Variants in AARS2 observed in about 807,000 individuals in gnomAD.
AARS2 encodes the protein alanine--tRNA ligase, mitochondrial.
In AARS2, 78 loss-of-function variants were observed where a neutral mutation model predicts 119.7. The observed-to-expected ratio is 0.65, with a 90% CI of 0.54 to 0.79. The LOEUF (loss-of-function observed/expected upper bound fraction) is 0.79, where lower values mean the gene tolerates loss of function less well. AARS2 is among the 30% of genes least tolerant of loss of function. The pLI is 0.00. For synonymous variants in AARS2, 502 were observed against 526.3 expected, an observed-to-expected ratio of 0.95 and a Z score of 0.63; for missense variants, 1,157 against 1,291.3, an observed-to-expected ratio of 0.90 and a Z score of 1.59.
chr6:44,312,958 C>A (rs1786497354), intron 1 of AARS2, 123 bp downstream of exon 1: 2 of 1,462,548 alleles, frequency 1.4e-6, no homozygotes, highest in Non-Finnish European at 1.9e-6. Context: ...CCCAACCAAG[C>A]ACCGCCCTCT....
intron 4 of AARS2, 95 bp downstream of exon 4, chr6:44,310,899 A>T: frequency 1.3e-6 from 2 of 1,502,990 alleles, no homozygotes. Context: ...CACCGTTTAC[A>T]TGTTTGTTTT....
In AARS2 at chr6:44,311,414, G is replaced by A; in HGVS notation, c.557C>T (p.Thr186Ile). Residue 186 changes from threonine (T) to isoleucine (I), a missense_variant, in exon 3 of 22, where the codon ACC (threonine) becomes ATC (isoleucine). Transcript: ENST00000244571. ...PKAGLDPDLE[T>I]RDIWLSLGVP... ...CCCTAAGCTCAGCCAGATGTCCCTGGTCTCCAGGTCTGGGTCCAGCCCTGC... is the reference window on the plus strand; with the variant it reads ...CCCTAAGCTCAGCCAGATGTCCCTGATCTCCAGGTCTGGGTCCAGCCCTGC... 6.2e-6 allele frequency: 10 copies of A among 1,614,176 alleles called. No individual in the cohort carries two copies. Among genetic ancestry groups the A allele is most frequent in the Non-Finnish European group, 8.5e-6 (10 of 1,180,036 alleles).
Position 44,311,385 on chromosome 6 carries a change from C to T in AARS2, c.581+5G>A. ...GGAATGAACATAAGAAGGGGGCTGA[C>T]TTACCCTAAGCTCAGCCAGATGTCC... is the stretch of plus-strand genomic sequence containing the variant. On this transcript the variant is annotated splice_donor_5th_base_variant and intron_variant, in intron 3 of 21. Transcript: ENST00000244571. The T allele has an allele frequency of 6.2e-7, 1 of 1,614,202 alleles. No individual in the cohort carries two copies. The highest frequency in any genetic ancestry group is 8.5e-7 in the Non-Finnish European group (1 of 1,180,028).
In AARS2 at chr6:44,313,293, T is replaced by C. The variant is rs760233747; in HGVS notation, c.31A>G (p.Arg11Gly). Residue 11 changes from arginine (R) to glycine (G), a missense_variant, in exon 1 of 22, where the codon AGG (arginine) becomes GGG (glycine). Physicochemically the swap from Arg to Gly is moderately radical, Grantham distance 125 (BLOSUM62 -2). Coordinates refer to ENST00000244571, the MANE Select transcript of AARS2 (RefSeq NM_020745.4). MAASVAAAAR[R>G]LRRAIRRSPA... ...GACCTTCGAATGGCCCGCCGCAGCC[T>C]CCGGGCTGCAGCTGCCACTGACGCT... The C allele has an allele frequency of 6.3e-7, 1 of 1,598,476 alleles. No homozygotes were observed. Among genetic ancestry groups the C allele is most frequent in the Non-Finnish European group, 8.5e-7 (1 of 1,177,068 alleles).
intron 18 of AARS2, 51 bp downstream of exon 18, chr6:44,302,340 A>AG (rs1318627971): frequency 1.9e-6 from 3 of 1,613,534 alleles, no homozygotes; most frequent in Non-Finnish European, 2.5e-6. Context: ...AGGGAGGAAT[A>AG]GGGGAGGTAA....
chr6:44,312,308 C>A (rs376867009), intron 1 of AARS2, 45 bp from the exon 2 acceptor site: 150 of 1,586,876 alleles, frequency 9.5e-5, no homozygotes, highest in Non-Finnish European at 1.2e-4. Flanking sequence ...TATCCAATTT[C>A]TCAGTAGAAG....
chr6:44,309,355 G>A (rs1010124498), intron 5 of AARS2, among the ~76,000 whole-genome samples: 1 of 152,188 alleles, frequency 6.6e-6, no homozygotes, highest in African/African-American at 2.4e-5. Context: ...ACCAAAGAAT[G>A]AGCCAGCTAA....
chr6:44,306,788 G>A, intron 7 of AARS2, 135 bp downstream of exon 7: 2 of 902,088 alleles, frequency 2.2e-6, no homozygotes, highest in East Asian at 5.1e-5. Flanking sequence ...TTCTTAGCTT[G>A]CTGATAGGAT....
At chr6:44,312,318 G>A in intron 1 of AARS2, 55 bp from the exon 2 acceptor site, 3 of 1,549,680 alleles carry the variant, frequency 1.9e-6, no homozygotes, top group Non-Finnish European at 8.8e-7. Context: ...CTCAGTAGAA[G>A]GGAAATGTGG....
chr6:44,305,502 G>T lies in AARS2; in HGVS notation c.1434+151C>A. On this transcript the variant is annotated intron_variant, in intron 10 of 21. Transcript: ENST00000244571. This position sits in a 1 kb window ranked among gnomAD's most constrained non-coding sequence, Gnocchi z 4.6. Reference sequence around the variant, plus strand: ...GCTAGTTTTGCTTTCTACTGGTTGTGGCCTGAGGTTTTAGAAACCTCCCAG... The same window carrying T: ...GCTAGTTTTGCTTTCTACTGGTTGTTGCCTGAGGTTTTAGAAACCTCCCAG... The T allele has an allele frequency of 7.9e-7, 1 of 1,258,286 alleles. No individual in the cohort carries two copies. Among genetic ancestry groups the T allele is most frequent in the Non-Finnish European group, 1.1e-6 (1 of 892,304 alleles). 77.9% of individuals were successfully genotyped at this position (1,258,286 alleles called of 1,614,324 possible).
At position 44,307,382 on chromosome 6, in the gene AARS2, G is replaced by T. The variant is rs1269240210; in HGVS notation, c.907C>A (p.Pro303Thr). 2.5e-6 allele frequency: 4 copies of T among 1,605,146 alleles called. No homozygotes were observed. The highest frequency in any genetic ancestry group is 1.6e-4 in the Middle Eastern group (1 of 6,074). ...ACCCCTACTCGGCCCAAGTAAGGGG[G>T]TGCCCTGCAGCCCTGGGAAGCAGAA... The part of the protein sequence containing the change: ...LNAIQQGCRA[P>T]PYLGRVGVAD... The change falls in exon 6 of 22, where the codon CCC becomes ACC. Residue 303 changes from proline (P) to threonine (T), a missense_variant. Transcript: ENST00000244571. The surrounding 1 kb of genome is among the most constrained non-coding windows in gnomAD (Gnocchi z 4.4).
chr6:44,313,291 C>A lies in AARS2; in HGVS notation c.33G>T (p.Arg11Ser). 1 of 1,598,840 alleles carries A rather than the reference C, an allele frequency of 6.3e-7. No homozygotes were observed. MAASVAAAARRLRRAIRRSPA... is the reference protein window; with the variant it reads MAASVAAAARSLRRAIRRSPA... ...GCGACCTTCGAATGGCCCGCCGCAGCCTCCGGGCTGCAGCTGCCACTGACG... is the reference window on the plus strand; with the variant it reads ...GCGACCTTCGAATGGCCCGCCGCAGACTCCGGGCTGCAGCTGCCACTGACG... The change falls in exon 1 of 22, where the codon AGG (arginine) becomes AGT (serine). Residue 11 changes from arginine to serine, a missense_variant. Physicochemically the swap from Arg to Ser is moderately radical, Grantham distance 110. Coordinates refer to ENST00000244571, the MANE Select transcript of AARS2 (RefSeq NM_020745.4).
At chr6:44,300,982 G>C (rs1434426154) in intron 21 of AARS2, 174 bp downstream of exon 21, 11 of 725,864 alleles carry the variant, frequency 1.5e-5, no homozygotes, top group Non-Finnish European at 2.3e-5. Context: ...CTTCTGGGGT[G>C]GGGAGGGGCT....
intron 21 of AARS2, 29 bp from the exon 22 acceptor site, chr6:44,300,740 T>C (rs1785284962): frequency 1.2e-6 from 2 of 1,607,986 alleles, no homozygotes; most frequent in East Asian, 2.2e-5. Flanking sequence ...GAGGAAGCGA[T>C]GCAGAGTGGC....
chr6:44,303,137 C>T lies in AARS2; in HGVS notation c.2184G>A (p.Val728=). 6.2e-7 allele frequency: 1 copy of T among 1,614,152 alleles called. No individual in the cohort carries two copies. Among genetic ancestry groups the T allele is most frequent in the Admixed American group, 1.7e-5 (1 of 60,018 alleles). The change falls in exon 16 of 22, where the codon GTG becomes GTA. Residue 728 remains valine, a synonymous_variant. Transcript: ENST00000244571. ...PDPVRVVSVG[V]PVAHALDPAS... ...CTGGGTCCAATGCATGGGCCACGGG[C>T]ACCCCCACTGATACCACCCGCACAG...
At chr6:44,310,007 A>G (rs908373909) in intron 5 of AARS2, among the ~76,000 whole-genome samples, 12 of 152,138 alleles carry the variant, frequency 7.9e-5, no homozygotes, top group African/African-American at 2.4e-4. Context: ...TATAATCTCC[A>G]TGATCTCTTT....
chr6:44,310,170 G>T, intron 5 of AARS2, 129 bp downstream of exon 5: 2 of 1,294,898 alleles, frequency 1.5e-6, no homozygotes, highest in Non-Finnish European at 1.1e-6. Context: ...TTGACGTCTT[G>T]GAATTCTTGG....
At position 44,313,131 on chromosome 6, in the gene AARS2, GCACGGA is replaced by G; in HGVS notation, c.187_192del (p.Ser63_Val64del). On this transcript the variant is annotated inframe_deletion, in exon 1 of 22. Transcript: ENST00000244571. ...AGCAAACTGGGGTCGCCGCGGGGCC[GCACGGA>G]AGCGGAGGGCACCAGCCGGTGGCCA... 6.2e-7 allele frequency: 1 copy of G among 1,611,928 alleles called. No homozygotes were observed. The highest frequency in any genetic ancestry group is 1.7e-4 in the Middle Eastern group (1 of 6,056).
In AARS2 at chr6:44,300,583, G is replaced by A. The variant is rs1785272115; in HGVS notation, c.2922C>T (p.Leu974=). The stretch of plus-strand genomic sequence containing the variant: ...TGAGGGCATAGGTTTGGGCTATACT[G>A]AGGGCAGCTTCCAGGTCAGTAGTGC... ...TGSTTDLEAA[L]SIAQTYALSQ... The change falls in exon 22 of 22, where the codon CTC becomes CTT. Residue 974 remains leucine (L), a synonymous_variant. Coordinates refer to ENST00000244571, the MANE Select transcript of AARS2 (RefSeq NM_020745.4). The A allele has an allele frequency of 1.2e-6, 2 of 1,614,100 alleles. No individual in the cohort carries two copies. Among genetic ancestry groups the A allele is most frequent in the East Asian group, 2.2e-5 (1 of 44,882 alleles).
Sources: allele counts gnomAD v4.1 joint callset (sites outside exome capture counted in the v4.1 genomes callset), GRCh38; gene constraint gnomAD v4.1.1; non-coding constraint Gnocchi (gnomAD v3.1); transcripts MANE v1.5; gene names NCBI Gene and HGNC (gene_info 2026-07-23, HGNC 2026-07-21).